Variants in FLT3 observed in about 807,000 individuals in gnomAD.
FLT3 encodes the protein fms related receptor tyrosine kinase 3.
In FLT3, 46 loss-of-function variants were observed where a neutral mutation model predicts 126.6. That is an observed-to-expected ratio of 0.36 (90% CI 0.29 to 0.46). The LOEUF (loss-of-function observed/expected upper bound fraction) is 0.46. FLT3 is among the 20% of genes least tolerant of loss of function. The pLI is 1.00. For missense variants in FLT3, 1,069 were observed against 1,190.3 expected, an observed-to-expected ratio of 0.90 and a Z score of 1.50; for synonymous variants, 404 against 434.4, an observed-to-expected ratio of 0.93 and a Z score of 0.87.
chr13:28,006,530 A>C (rs1267334652), intron 23 of FLT3, among the ~76,000 whole-genome samples: 1 of 152,082 alleles, frequency 6.6e-6, no homozygotes, highest in East Asian at 1.9e-4. Flanking sequence ...TAACCACCTC[A>C]TGAAGTTTGT....
intron 1 of FLT3, among the ~76,000 whole-genome samples, chr13:28,090,703 G>A (rs775922213): frequency 8.5e-5 from 13 of 152,100 alleles, no homozygotes; most frequent in African/African-American, 2.7e-4. Flanking sequence ...ACTGAAGCCC[G>A]CAAAGTGAAG....
chr13:28,072,799 C>T (rs986841551), intron 1 of FLT3, among the ~76,000 whole-genome samples: 1 of 150,766 alleles, frequency 6.6e-6, no homozygotes, highest in Non-Finnish European at 1.5e-5. Flanking sequence ...GTCAGGAGCT[C>T]GAGACCATCC....
intron 1 of FLT3, among the ~76,000 whole-genome samples, chr13:28,093,104 T>C (rs548206561): frequency 7.0e-4 from 107 of 151,952 alleles, no homozygotes; most frequent in African/African-American, 2.6e-3. Flanking sequence ...TTTGTATTTT[T>C]TTATAGAAAT....
At chr13:28,018,368 A>G in intron 20 of FLT3, 99 bp downstream of exon 20, 3 of 1,396,094 alleles carry the variant, frequency 2.1e-6, no homozygotes, top group Non-Finnish European at 3.0e-6. Flanking sequence ...TGATGTTACC[A>G]TAAATCAAAA....
Position 28,027,152 on chromosome 13 carries a change from T to C in FLT3, c.2143A>G (p.Thr715Ala), listed in dbSNP as rs755691324. ...SKREKFHRTWTEIFKEHNFSF... is the reference protein window; with the variant it reads ...SKREKFHRTWAEIFKEHNFSF... ...AAATTGTGTTCCTTGAAAATCTCTG[T>C]CCAAGTCCTGTGAAATTTTTCTCTT... The change falls in exon 17 of 24, where the codon ACA (threonine) becomes GCA (alanine). Residue 715 changes from threonine (T) to alanine (A), a missense_variant. By Grantham distance (58) the Thr-to-Ala change is moderately conservative. Transcript: ENST00000241453. 6.8e-6 allele frequency: 11 copies of C among 1,613,584 alleles called. No individual in the cohort carries two copies. In the East Asian group the frequency reaches 2.4e-4, roughly 36 times the overall value.
At chr13:28,061,825 A>G (rs766010781) in intron 3 of FLT3, 42 bp downstream of exon 3, 3 of 1,514,076 alleles carry the variant, frequency 2.0e-6, no homozygotes, top group Admixed American at 1.8e-5. Flanking sequence ...CAAAATTCCA[A>G]ATGAACCACA....
chr13:28,033,366 C>T (rs1413700992), intron 15 of FLT3, among the ~76,000 whole-genome samples: 7 of 152,072 alleles, frequency 4.6e-5, no homozygotes, highest in Admixed American at 4.6e-4. Context: ...ATATCAAAGC[C>T]TATAAAAACT....
intron 4 of FLT3, 125 bp downstream of exon 4, chr13:28,057,222 C>A: frequency 1.5e-6 from 1 of 655,972 alleles, no homozygotes; most frequent in Non-Finnish European, 2.8e-6. Flanking sequence ...TCTAATCAAT[C>A]CAACTACGTA....
chr13:28,056,575 C>T (rs1471683887), intron 4 of FLT3, among the ~76,000 whole-genome samples: 1 of 152,130 alleles, frequency 6.6e-6, no homozygotes, highest in African/African-American at 2.4e-5. Context: ...ATGATGGGGA[C>T]GAAACAAGGA....
At chr13:28,029,541 T>A (rs1214402193) in intron 15 of FLT3, among the ~76,000 whole-genome samples, 1 of 152,210 alleles carries the variant, frequency 6.6e-6, no homozygotes, top group Admixed American at 6.6e-5. Context: ...TAATAACACA[T>A]GCTTTTCCTC....
At chr13:28,069,191 AG>A (rs138596826) in intron 2 of FLT3, among the ~76,000 whole-genome samples, 2,694 of 152,244 alleles carry the variant, frequency 0.018, 81 homozygotes, top group African/African-American at 0.061. Context: ...TAGCAGGAAG[AG>A]GCCACTTAGG....
At chr13:28,031,203 G>A (rs1873303424) in intron 15 of FLT3, among the ~76,000 whole-genome samples, 2 of 152,130 alleles carry the variant, frequency 1.3e-5, no homozygotes, top group African/African-American at 4.8e-5. Flanking sequence ...ACTCCAGCCT[G>A]GGCGACAGAG....
At chr13:28,081,131 A>G (rs1878275604) in intron 1 of FLT3, among the ~76,000 whole-genome samples, 1 of 152,100 alleles carries the variant, frequency 6.6e-6, no homozygotes, top group African/African-American at 2.4e-5. Context: ...TTCCATATGA[A>G]TTTTAGAATC....
At position 28,018,488 on chromosome 13, in the gene FLT3, G is replaced by C. The variant is rs772958466; in HGVS notation, c.2520C>G (p.Ser840=). 6.2e-7 allele frequency: 1 copy of C among 1,614,068 alleles called. No homozygotes were observed. Among genetic ancestry groups the C allele is most frequent in the Admixed American group, 1.7e-5 (1 of 60,008 alleles). ...FGLARDIMSD[S]NYVVRGNARL... is the part of the protein sequence containing the mutation. ...TCACATTGCCCCTGACAACATAGTT[G>C]GAATCACTCATGATATCTCGAGCCA... Residue 840 remains serine (S), a synonymous_variant, in exon 20 of 24, where the codon TCC becomes TCG. Coordinates refer to ENST00000241453, the MANE Select transcript of FLT3 (RefSeq NM_004119.3).
At chr13:28,085,371 A>G (rs1402298457) in intron 1 of FLT3, among the ~76,000 whole-genome samples, 1 of 150,702 alleles carries the variant, frequency 6.6e-6, no homozygotes, top group East Asian at 1.9e-4. Flanking sequence ...AAAAAAAAGA[A>G]AAGAAAAAAG....
At chr13:28,091,279 T>G (rs931809004) in intron 1 of FLT3, among the ~76,000 whole-genome samples, 4 of 127,140 alleles carry the variant, frequency 3.1e-5, no homozygotes, top group Admixed American at 9.5e-5. Flanking sequence ...TGGAGTGCAG[T>G]GGCGCGATCT....
In FLT3 at chr13:28,037,601, G is replaced by A. The variant is rs2491236; in HGVS notation, c.1206-313C>T. ...TGAGTCATATGCCCATTGGGAGTTGGGATTGGCCGAAGATTCTCAGTGAGA... is the reference window on the plus strand; with the variant it reads ...TGAGTCATATGCCCATTGGGAGTTGAGATTGGCCGAAGATTCTCAGTGAGA... On this transcript the variant is annotated intron_variant, in intron 9 of 23. Coordinates refer to ENST00000241453, the MANE Select transcript of FLT3 (RefSeq NM_004119.3). Among the ~76,000 whole-genome samples the A allele has an allele frequency of 0.72, 109,605 of 152,038 alleles. 40,877 individuals carry two copies. The highest frequency in any genetic ancestry group is 0.87 in the East Asian group (4,481 of 5,174).
chr13:28,049,637 C>T lies in FLT3; in HGVS notation c.880G>A (p.Glu294Lys), dbSNP rs2137728611. 6.2e-7 allele frequency: 1 copy of T among 1,614,140 alleles called. No individual in the cohort carries two copies. Among genetic ancestry groups the T allele is most frequent in the Non-Finnish European group, 8.5e-7 (1 of 1,180,006 alleles). The part of the protein sequence containing the change: ...TWELENKALE[E>K]GNYFEMSTYS... Reference sequence around the variant, plus strand: ...AGAATACAAACTTGTCCTATTACCTCCTCGAGTGCTTTGTTTTCTAATTCC... The same window carrying T: ...AGAATACAAACTTGTCCTATTACCTTCTCGAGTGCTTTGTTTTCTAATTCC... Residue 294 changes from glutamate (E) to lysine (K), a missense_variant and splice_region_variant, in exon 7 of 24, where the codon GAG (glutamate) becomes AAG (lysine). Coordinates refer to ENST00000241453, the MANE Select transcript of FLT3 (RefSeq NM_004119.3).
In FLT3 at chr13:28,003,504, G is replaced by A; in HGVS notation, c.*548C>T. On this transcript the variant is annotated 3_prime_UTR_variant, in exon 24 of 24. Coordinates refer to ENST00000241453, the MANE Select transcript of FLT3 (RefSeq NM_004119.3). ...TGTATCTTGGGGTAAAAGCACACGT[G>A]CTCTGGAAGGAATGTGTAGGTGGCT... The A allele has an allele frequency of 4.2e-6, 1 of 236,274 alleles. No individual in the cohort carries two copies. Among genetic ancestry groups the A allele is most frequent in the African/African-American group, 2.2e-5 (1 of 45,446 alleles). The allele number at this position is 236,274 out of a possible 1,614,324, so 14.6% of individuals were successfully genotyped here. A position where few individuals can be genotyped will look rare whatever the true frequency, so the allele number is the denominator to read the frequency against.
Sources: allele counts gnomAD v4.1 joint callset (sites outside exome capture counted in the v4.1 genomes callset), GRCh38; gene constraint gnomAD v4.1.1; transcripts MANE v1.5; gene names NCBI Gene and HGNC (gene_info 2026-07-23, HGNC 2026-07-21).